The following NCAPD3 variants were observed in gnomAD, a reference collection of about 807,000 sequenced individuals.
The protein encoded by NCAPD3 is condensin-2 complex subunit D3.
NCAPD3 carries 105 observed loss-of-function variants against 182.9 expected under a neutral mutation model. The observed-to-expected ratio is 0.57, with a 90% confidence interval of 0.49 to 0.68. NCAPD3 has a LOEUF of 0.68. NCAPD3 is among the 30% of genes least tolerant of loss of function. The pLI is 0.00. For synonymous variants in NCAPD3, 815 were observed against 679.9 expected (o/e 1.20, Z -3.09); for missense variants, 1,944 against 1,837.0 (o/e 1.06, Z -1.07).
Position 134,161,855 on chromosome 11 carries a change from T to C in NCAPD3, c.3610A>G (p.Ile1204Val), listed in dbSNP as rs377410057. ...KRNFIENIIP[I>V]IISLKTVLEK... ...AGCACAGTCTTCAGGGAGATGATAA[T>C]TGGAATAATATTTTCTATGAAATTC... The change falls in exon 28 of 35, where the codon ATT becomes GTT. Residue 1204 changes from isoleucine to valine, a missense_variant. Physicochemically the swap from Ile to Val is conservative, Grantham distance 29 (BLOSUM62 3). This residue lies in a region of NCAPD3 where 1,803 missense variants were observed against 1,674.6 expected (regional missense o/e 1.08). Transcript: ENST00000534548. The C allele has an allele frequency of 6.2e-5, 98 of 1,583,358 alleles. No homozygotes were observed. Among genetic ancestry groups the C allele is most frequent in the East Asian group, 9.0e-5 (4 of 44,682 alleles).
At position 134,158,032 on chromosome 11, in the gene NCAPD3, G is replaced by A; in HGVS notation, c.4070C>T (p.Ser1357Phe). 1 of 1,614,178 alleles carries A rather than the reference G, an allele frequency of 6.2e-7. No homozygotes were observed. Among genetic ancestry groups the A allele is most frequent in the Non-Finnish European group, 8.5e-7 (1 of 1,180,030 alleles). Residue 1357 changes from serine (S) to phenylalanine (F), a missense_variant, in exon 31 of 35, where the codon TCT (serine) becomes TTT (phenylalanine). Physicochemically the swap from Ser to Phe is radical, Grantham distance 155 (BLOSUM62 -2). This residue lies in a region of NCAPD3 where 1,803 missense variants were observed against 1,674.6 expected (regional missense o/e 1.08). Coordinates refer to ENST00000534548, the MANE Select transcript of NCAPD3 (RefSeq NM_015261.3). ...CTTTGACTCCACGGCTTTCTTGACA[G>A]AATTCAGGATTGCAATGGTGCTCAG... ...MSLSTIAILN[S>F]VKKAVESKSR...
chr11:134,204,975 T>C lies in NCAPD3; in HGVS notation c.1017-4A>G. On this transcript the variant is annotated splice_polypyrimidine_tract_variant and splice_region_variant and intron_variant, in intron 8 of 34. Coordinates refer to ENST00000534548, the MANE Select transcript of NCAPD3 (RefSeq NM_015261.3). The surrounding 1 kb of genome is among the most constrained non-coding windows in gnomAD (Gnocchi z 4.3). Reference sequence around the variant, plus strand: ...CTTTAATTCATCCACAAGGGCGCTTTGTAAAAGAAAAACACATCTACTGTT... The same window carrying C: ...CTTTAATTCATCCACAAGGGCGCTTCGTAAAAGAAAAACACATCTACTGTT... 6.2e-7 allele frequency: 1 copy of C among 1,611,792 alleles called. No individual in the cohort carries two copies. The highest frequency in any genetic ancestry group is 1.3e-5 in the African/African-American group (1 of 74,978).
Position 134,178,673 on chromosome 11 carries a change from T to C in NCAPD3, c.2743A>G (p.Met915Val), listed in dbSNP as rs372826405. The C allele has an allele frequency of 2.5e-6, 4 of 1,596,078 alleles. No individual in the cohort carries two copies. In the African/African-American group the frequency reaches 4.0e-5, roughly 16 times the overall value. The change falls in exon 22 of 35, where the codon ATG (methionine) becomes GTG (valine). Residue 915 changes from methionine (M) to valine (V), a missense_variant. Around this residue, in one of 3 missense-constraint regions of NCAPD3, gnomAD observed 1,803 missense variants for 1,674.6 expected, o/e 1.08. Coordinates refer to ENST00000534548, the MANE Select transcript of NCAPD3 (RefSeq NM_015261.3). ...GCATGTGCTCTAATCACAGAGGGCA[T>C]GACAGAACCTCTGACCTGGGGGGGT... is the stretch of plus-strand genomic sequence containing the variant. ...QPPPQVRGSV[M>V]PSVIRAHAII...
At chr11:134,182,712 T>C (rs1944323663) in intron 19 of NCAPD3, among the ~76,000 whole-genome samples, 1 of 152,238 alleles carries the variant, frequency 6.6e-6, no homozygotes, top group East Asian at 1.9e-4. Context: ...ACAAAACAGA[T>C]AACAAAAATG....
At chr11:134,223,214 G>A in intron 1 of NCAPD3, 2 of 556,032 alleles carry the variant, frequency 3.6e-6, no homozygotes, top group East Asian at 5.7e-5. Flanking sequence ...AAAGTGTGGG[G>A]GATGGGCTGG....
chr11:134,223,775 A>G (rs1938338293), intron 1 of NCAPD3, 88 bp downstream of exon 1: 1 of 1,142,958 alleles, frequency 8.7e-7, no homozygotes, highest in Non-Finnish European at 1.2e-6. Context: ...CCCCGCCCCC[A>G]CCGGCACCCC....
chr11:134,171,566 G>A (rs553633147), intron 24 of NCAPD3, among the ~76,000 whole-genome samples: 42 of 152,076 alleles, frequency 2.8e-4, no homozygotes, highest in Non-Finnish European at 5.3e-4. Flanking sequence ...TTAGGACTGG[G>A]GCTCAGACCC....
At chr11:134,184,408 G>A (rs536688116) in intron 19 of NCAPD3, among the ~76,000 whole-genome samples, 5 of 152,348 alleles carry the variant, frequency 3.3e-5, no homozygotes, top group African/African-American at 9.6e-5. Flanking sequence ...TCGCACCTGC[G>A]ATCAAGGTGG....
chr11:134,169,769 T>C (rs1943961839), intron 24 of NCAPD3, among the ~76,000 whole-genome samples: 2 of 152,124 alleles, frequency 1.3e-5, no homozygotes, highest in South Asian at 4.1e-4. Flanking sequence ...CACCACAGAG[T>C]TTCTGTTCAT....
At position 134,167,993 on chromosome 11, in the gene NCAPD3, C is replaced by T. The variant is rs374442681; in HGVS notation, c.3573+3G>A. 1.0e-4 allele frequency: 163 copies of T among 1,613,278 alleles called. No homozygotes were observed. The highest frequency in any genetic ancestry group is 2.2e-5 in the South Asian group (2 of 91,066). On this transcript the variant is annotated splice_donor_region_variant and intron_variant, in intron 27 of 34. Coordinates refer to ENST00000534548, the MANE Select transcript of NCAPD3 (RefSeq NM_015261.3). Reference sequence around the variant, plus strand: ...GATGATCTTAGGGGAGCAACACACTCACTTGTGAGATGAGCTTCTTCTGAG... The same window carrying T: ...GATGATCTTAGGGGAGCAACACACTTACTTGTGAGATGAGCTTCTTCTGAG...
chr11:134,199,777 A>G (rs939090844), intron 13 of NCAPD3, among the ~76,000 whole-genome samples: 1 of 152,210 alleles, frequency 6.6e-6, no homozygotes, highest in Non-Finnish European at 1.5e-5. Context: ...ATGGGGATCC[A>G]TCCCGAGGAA....
chr11:134,170,539 C>T (rs1216715751), intron 24 of NCAPD3, among the ~76,000 whole-genome samples: 2 of 152,196 alleles, frequency 1.3e-5, no homozygotes, highest in African/African-American at 2.4e-5. Flanking sequence ...TGAACTTTCT[C>T]CTCAGAAATG....
intron 3 of NCAPD3, among the ~76,000 whole-genome samples, chr11:134,215,454 G>A (rs894520774): frequency 6.6e-6 from 1 of 152,134 alleles, no homozygotes. Flanking sequence ...AGTTTGGCAA[G>A]GTTCTAGGAT....
rs940313550 is a variant in NCAPD3 at position 134,210,494 on chromosome 11, T to C, written c.383-40A>G. 3 of 1,553,448 alleles carry C rather than the reference T, an allele frequency of 1.9e-6. No individual in the cohort carries two copies. In the African/African-American group the frequency reaches 4.1e-5, roughly 21 times the overall value. On this transcript the variant is annotated intron_variant, in intron 3 of 34. Coordinates refer to ENST00000534548, the MANE Select transcript of NCAPD3 (RefSeq NM_015261.3). ...TAAAGAGTAAGCAAGTTAGATTTAA[T>C]TGTCTTGAAATATATCTATAACATC...
At chr11:134,201,287 T>C (rs375924505) in intron 13 of NCAPD3, among the ~76,000 whole-genome samples, 2 of 151,940 alleles carry the variant, frequency 1.3e-5, no homozygotes, top group African/African-American at 4.8e-5. Context: ...GGCCTCCCAA[T>C]GTGCCAGGAT....
chr11:134,188,118 A>G (rs1338155267), intron 16 of NCAPD3, among the ~76,000 whole-genome samples: 1 of 152,176 alleles, frequency 6.6e-6, no homozygotes, highest in East Asian at 1.9e-4. Context: ...AAGCACACCA[A>G]TCAGCACTCT....
chr11:134,164,209 C>A (rs5026439), intron 27 of NCAPD3, among the ~76,000 whole-genome samples: 4 of 152,050 alleles, frequency 2.6e-5, no homozygotes, highest in Admixed American at 6.6e-5. Context: ...GATCCAAATT[C>A]TACACTTCCT....
rs1249831283 is a variant in NCAPD3 at position 134,185,510 on chromosome 11, C to G, written c.2062G>C (p.Ala688Pro). The G allele has an allele frequency of 3.2e-6, 5 of 1,586,264 alleles. No individual in the cohort carries two copies. Among genetic ancestry groups the G allele is most frequent in the Non-Finnish European group, 4.3e-6 (5 of 1,169,142 alleles). The change falls in exon 17 of 35, where the codon GCT becomes CCT. Residue 688 changes from alanine (A) to proline (P), a missense_variant. Ala to Pro is a conservative substitution (Grantham distance 27, BLOSUM62 -1). Transcript: ENST00000534548. ...TCTTTCTTGGACCAGATATGAAAAG[C>G]CTTATTTAAATATCGGCTGGAAAAA... is the stretch of plus-strand genomic sequence containing the variant. ...SQELSRYLNKAFHIWSKKEKF... is the reference protein window; with the variant it reads ...SQELSRYLNKPFHIWSKKEKF...
intron 32 of NCAPD3, chr11:134,153,690 A>T: frequency 2.8e-6 from 1 of 353,242 alleles, no homozygotes; most frequent in East Asian, 5.9e-5. Context: ...CACTTACTAC[A>T]CCTCCTACTG....
Sources: gnomAD v4.1 joint callset for allele counts (sites outside exome capture counted in the v4.1 genomes callset) on GRCh38, gnomAD v4.1.1 for gene constraint, gnomAD v4.1.1 regional missense constraint, Gnocchi (gnomAD v3.1) non-coding constraint, MANE v1.5 for transcripts, NCBI Gene and HGNC (gene_info 2026-07-23, HGNC 2026-07-21) for gene names.